Variants in AHCY observed in about 807,000 individuals in gnomAD.
AHCY encodes adenosylhomocysteinase.
In AHCY, 24 loss-of-function variants were observed where a neutral mutation model predicts 45.4. The observed-to-expected ratio is 0.53, with a 90% CI of 0.38 to 0.74. AHCY has a LOEUF of 0.74. AHCY is among the 30% of genes least tolerant of loss of function. The pLI, the probability that AHCY is intolerant of heterozygous loss-of-function variation, is 0.00. For synonymous variants in AHCY, 245 were observed against 235.1 expected, an observed-to-expected ratio of 1.04 and a Z score of -0.39; for missense variants, 449 against 594.1, an observed-to-expected ratio of 0.76 and a Z score of 2.54.
At chr20:34,277,925 T>C (rs1266065259), downstream of AHCY, among the ~76,000 whole-genome samples, 1 of 152,116 alleles carries the variant, frequency 6.6e-6, no homozygotes, top group Non-Finnish European at 1.5e-5. Context: ...CACTGCTCCA[T>C]AAACAGCCAC....
the AHCY span, chr20:34,241,378 T>G: frequency 2.3e-6 from 2 of 869,528 alleles, no homozygotes; most frequent in Non-Finnish European, 2.8e-6. Flanking sequence ...GTAGTATGAT[T>G]GGTTGTTTTC....
At chr20:34,300,427 C>T (rs1262857799) in intron 1 of AHCY, among the ~76,000 whole-genome samples, 1 of 152,196 alleles carries the variant, frequency 6.6e-6, no homozygotes, top group African/African-American at 2.4e-5. Flanking sequence ...GCCCCTCCTC[C>T]ATCTCTCCAC....
At chr20:34,242,080 T>A in the AHCY span, among the ~76,000 whole-genome samples, 1 of 152,118 alleles carries the variant, frequency 6.6e-6, no homozygotes, top group Non-Finnish European at 1.5e-5. Flanking sequence ...TGTAGGTGAG[T>A]TCGCTCTGCT....
intron 9 of AHCY, among the ~76,000 whole-genome samples, chr20:34,283,276 C>A (rs1263256619): frequency 6.6e-6 from 1 of 152,138 alleles, no homozygotes; most frequent in Admixed American, 6.5e-5. Flanking sequence ...CTATTCCTGG[C>A]CTGATACTTA....
the AHCY span, chr20:34,246,285 C>T: frequency 6.4e-7 from 1 of 1,551,450 alleles, no homozygotes; most frequent in Non-Finnish European, 8.7e-7. Flanking sequence ...TCTTCCCCTG[C>T]TGTTCCTTGA....
intron 1 of AHCY, 85 bp downstream of exon 1, chr20:34,303,158 C>G: frequency 1.3e-6 from 2 of 1,543,230 alleles, no homozygotes; most frequent in Non-Finnish European, 1.8e-6. Flanking sequence ...CCAGAGAGCC[C>G]CGAGTCGGCC....
chr20:34,301,887 G>A, intron 1 of AHCY: 6 of 985,366 alleles, frequency 6.1e-6, no homozygotes, highest in Non-Finnish European at 6.0e-6. Flanking sequence ...TATATAACGG[G>A]ATTACGTCCA....
downstream of AHCY, among the ~76,000 whole-genome samples, chr20:34,277,936 T>C (rs2035923083): frequency 6.6e-6 from 1 of 152,072 alleles, no homozygotes; most frequent in African/African-American, 2.4e-5. Context: ...AAACAGCCAC[T>C]TTCCACCAAC....
At chr20:34,299,180 A>G (rs910390795) in intron 1 of AHCY, among the ~76,000 whole-genome samples, 2 of 151,990 alleles carry the variant, frequency 1.3e-5, no homozygotes, top group African/African-American at 4.8e-5. Context: ...CACCGACCCT[A>G]TGGGGCTGGT....
At chr20:34,308,394 T>C (rs1432374577) in intron 1 of AHCY, among the ~76,000 whole-genome samples, 1 of 152,016 alleles carries the variant, frequency 6.6e-6, no homozygotes, top group Non-Finnish European at 1.5e-5. Context: ...CTACTAAAAA[T>C]ACAAAATTAG....
downstream of AHCY, among the ~76,000 whole-genome samples, chr20:34,279,182 A>C (rs904797012): frequency 1.3e-5 from 2 of 149,204 alleles, no homozygotes; most frequent in African/African-American, 2.5e-5. Flanking sequence ...TGGGTGGCCG[A>C]GGCGGGTGGA....
rs768437067 is a variant in AHCY, at chr20:34,290,226, T to A, written c.972+106A>T. 4 of 1,086,996 alleles carry A rather than the reference T, an allele frequency of 3.7e-6. No homozygotes were observed. The highest frequency in any genetic ancestry group is 5.6e-6 in the Non-Finnish European group (4 of 711,344). 67.3% of individuals were successfully genotyped at this position (1,086,996 alleles called of 1,614,324 possible). On this transcript the variant is annotated intron_variant, in intron 8 of 9. Coordinates refer to ENST00000217426, the MANE Select transcript of AHCY (RefSeq NM_000687.4). This position sits in a 1 kb window ranked among gnomAD's most constrained non-coding sequence, Gnocchi z 4.5. ...CTGATGCTAGGCCCTCTTCTCCCCA[T>A]CCCCCTGCACAGGTTGCCACCATCT...
chr20:34,292,183 C>T (rs977375193), intron 4 of AHCY, among the ~76,000 whole-genome samples, 175 bp downstream of exon 4: 1 of 152,246 alleles, frequency 6.6e-6, no homozygotes, highest in East Asian at 1.9e-4. Context: ...GCCCTAGCCT[C>T]GCACCCTCAG....
At chr20:34,242,499 C>T in the AHCY span, among the ~76,000 whole-genome samples, 1 of 152,212 alleles carries the variant, frequency 6.6e-6, no homozygotes, top group Non-Finnish European at 1.5e-5. Flanking sequence ...TCCCAAAGTG[C>T]TGGGATTACA....
At chr20:34,234,948 G>C in the AHCY span, 1 of 152,136 alleles carries the variant, frequency 6.6e-6, no homozygotes, top group Non-Finnish European at 1.5e-5. Context: ...ATTTAATCTT[G>C]TGTTGTTTTT....
At chr20:34,303,412 C>T (rs1601690683), upstream of AHCY, 7 of 1,252,454 alleles carry the variant, frequency 5.6e-6, no homozygotes, top group African/African-American at 1.5e-5. Flanking sequence ...ATATTCATGA[C>T]CCGCTGGGGC....
At chr20:34,303,184 C>G in intron 1 of AHCY, 59 bp downstream of exon 1, 3 of 1,549,252 alleles carry the variant, frequency 1.9e-6, no homozygotes, top group Non-Finnish European at 2.6e-6. Flanking sequence ...GCCCCCGCCA[C>G]GAACAAGCCC....
chr20:34,249,208 C>T, the AHCY span, among the ~76,000 whole-genome samples: 1 of 152,054 alleles, frequency 6.6e-6, no homozygotes, highest in South Asian at 2.1e-4. Flanking sequence ...AGTAACTTGC[C>T]AGAAGTCACA....
the AHCY span, among the ~76,000 whole-genome samples, chr20:34,250,748 C>T: frequency 1.3e-5 from 2 of 152,100 alleles, no homozygotes; most frequent in East Asian, 3.9e-4. Flanking sequence ...TTTGCCTCTT[C>T]TTCCATTCTC....
Sources: allele counts gnomAD v4.1 joint callset (sites outside exome capture counted in the v4.1 genomes callset), GRCh38; gene constraint gnomAD v4.1.1; non-coding constraint Gnocchi (gnomAD v3.1); transcripts MANE v1.5; gene names NCBI Gene and HGNC (gene_info 2026-07-23, HGNC 2026-07-21).